Variants in NAALAD2 observed in about 807,000 individuals in gnomAD.
NAALAD2 encodes the protein N-acetylated-alpha-linked acidic dipeptidase 2.
A neutral mutation model predicts 95.6 loss-of-function variants in NAALAD2; 89 were observed. The observed-to-expected ratio is 0.93, with a 90% CI of 0.78 to 1.11. NAALAD2 has a LOEUF of 1.11. Among genes scored for constraint, NAALAD2 ranks in the 50% least tolerant of loss-of-function variants. The probability of loss-of-function intolerance (pLI) is 0.00; values close to 1 mark genes in which losing one functional copy is unlikely to be tolerated. For missense variants in NAALAD2, 894 were observed against 872.4 expected, an observed-to-expected ratio of 1.02 and a Z score of -0.31; for synonymous variants, 264 against 294.4, an observed-to-expected ratio of 0.90 and a Z score of 1.06.
At chr11:90,148,576 G>A (rs908498640) in intron 3 of NAALAD2, among the ~76,000 whole-genome samples, 4 of 152,116 alleles carry the variant, frequency 2.6e-5, no homozygotes, top group African/African-American at 7.2e-5. Flanking sequence ...AAGCATATTA[G>A]CTATTGGTAA....
intron 16 of NAALAD2, 152 bp downstream of exon 16, chr11:90,178,269 A>G (rs774678352): frequency 3.4e-5 from 28 of 832,254 alleles, no homozygotes; most frequent in Non-Finnish European, 4.6e-5. Flanking sequence ...ACAAACACCT[A>G]TTAAAGAATC....
chr11:90,132,457 G>A (rs546971324), upstream of NAALAD2, among the ~76,000 whole-genome samples: 14 of 152,286 alleles, frequency 9.2e-5, no homozygotes, highest in Admixed American at 2.0e-4. Flanking sequence ...TGAGGGCTAT[G>A]TAGTCAACAG....
At chr11:90,160,573 C>T (rs1301973689) in intron 8 of NAALAD2, among the ~76,000 whole-genome samples, 3 of 152,028 alleles carry the variant, frequency 2.0e-5, no homozygotes, top group African/African-American at 7.2e-5. Context: ...ATGTGTTTAT[C>T]TCTATCATTA....
At chr11:90,143,335 A>G (rs1006833426) in intron 2 of NAALAD2, among the ~76,000 whole-genome samples, 2 of 152,058 alleles carry the variant, frequency 1.3e-5, no homozygotes, top group African/African-American at 2.4e-5. Context: ...TTATTCTCCA[A>G]ACATATTTTT....
intron 11 of NAALAD2, among the ~76,000 whole-genome samples, chr11:90,164,548 C>T (rs533810611): frequency 6.6e-6 from 1 of 152,228 alleles, no homozygotes; most frequent in East Asian, 1.9e-4. Context: ...AATAAACACA[C>T]AATTTGTGAT....
intron 8 of NAALAD2, 35 bp from the exon 9 acceptor site, chr11:90,162,914 C>G: frequency 9.0e-7 from 1 of 1,117,250 alleles, no homozygotes. Flanking sequence ...ACATAATTTG[C>G]TGTACTAAGT....
chr11:90,186,969 C>G lies in NAALAD2; in HGVS notation c.2033+3961C>G, dbSNP rs201317589. ...ATCCAGAATCTACAATGAACTCAAACAAATTTACAAGAAAAAAACAACCCC... is the reference window on the plus strand; with the variant it reads ...ATCCAGAATCTACAATGAACTCAAAGAAATTTACAAGAAAAAAACAACCCC... On this transcript the variant is annotated intron_variant, in intron 18 of 18. Transcript: ENST00000534061. 4.9e-4 allele frequency among the ~76,000 whole-genome samples: 73 copies of G among 147,696 alleles called. No individual in the cohort carries two copies. The East Asian group carries it at 0.013, about 27-fold the overall frequency.
intron 18 of NAALAD2, among the ~76,000 whole-genome samples, chr11:90,190,868 T>C (rs1262196222): frequency 2.0e-5 from 3 of 152,202 alleles, no homozygotes; most frequent in Admixed American, 1.3e-4. Context: ...CTGTTGGACC[T>C]AATTCCTGAT....
chr11:90,169,962 G>T, intron 12 of NAALAD2, 107 bp from the exon 13 acceptor site: 1 of 755,172 alleles, frequency 1.3e-6, no homozygotes, highest in East Asian at 2.7e-5. Context: ...TCTTTGATTT[G>T]AAGATCATTA....
chr11:90,189,402 C>A (rs2135001983), intron 18 of NAALAD2, among the ~76,000 whole-genome samples: 1 of 152,288 alleles, frequency 6.6e-6, no homozygotes, highest in South Asian at 2.1e-4. Context: ...AATAAAGCTT[C>A]CTTTTTTGCA....
Position 90,178,110 on chromosome 11 carries a change from A to AT in NAALAD2, c.1852dup (p.Ser618PhefsTer3). The stretch of plus-strand genomic sequence containing the variant: ...ATCAACAATTGACAGACCATGGAGT[A>AT]TCATTTGGTAAGAAATAGTTGGGCA... On this transcript the variant is annotated frameshift_variant, in exon 16 of 19. Coordinates refer to ENST00000534061, the MANE Select transcript of NAALAD2 (RefSeq NM_005467.4). LOFTEE classifies it high-confidence loss of function. 6.2e-7 allele frequency: 1 copy of AT among 1,606,856 alleles called. No homozygotes were observed. Among genetic ancestry groups the AT allele is most frequent in the Non-Finnish European group, 8.5e-7 (1 of 1,177,612 alleles).
chr11:90,144,530 C>G (rs1951701558), intron 2 of NAALAD2, among the ~76,000 whole-genome samples: 1 of 151,860 alleles, frequency 6.6e-6, no homozygotes, highest in African/African-American at 2.4e-5. Flanking sequence ...CACCTGAGGT[C>G]AGGAATTCAA....
rs949722998 is a variant in NAALAD2, at chr11:90,188,491, T to G, written c.2034-3067T>G. Among the ~76,000 whole-genome samples, 9 of 152,250 alleles carry G rather than the reference T, an allele frequency of 5.9e-5. No individual in the cohort carries two copies. The East Asian group carries it at 1.7e-3, about 29-fold the overall frequency. On this transcript the variant is annotated intron_variant, in intron 18 of 18. Coordinates refer to ENST00000534061, the MANE Select transcript of NAALAD2 (RefSeq NM_005467.4). ...CCTCACAGTTCTAGGGGCTGGGAAG[T>G]ACAAGATCAGTGTCAACCAATTCAA...
chr11:90,143,704 C>T (rs79264350), intron 2 of NAALAD2, among the ~76,000 whole-genome samples: 20 of 152,266 alleles, frequency 1.3e-4, no homozygotes, highest in Non-Finnish European at 2.2e-4. Flanking sequence ...GAGCGAAGTA[C>T]ATACACTACA....
At chr11:90,173,712 T>G in intron 13 of NAALAD2, 112 bp from the exon 14 acceptor site, 1 of 655,046 alleles carries the variant, frequency 1.5e-6, no homozygotes, top group Non-Finnish European at 2.6e-6. Context: ...AATATATACA[T>G]GTACATATGT....
chr11:90,180,260 T>A (rs996295682), intron 16 of NAALAD2, among the ~76,000 whole-genome samples: 10 of 152,286 alleles, frequency 6.6e-5, no homozygotes, highest in African/African-American at 2.4e-4. Flanking sequence ...TTGACTTCTG[T>A]CCTGCATTTG....
intron 6 of NAALAD2, among the ~76,000 whole-genome samples, chr11:90,155,448 TATGTAATATGTA>T (rs1413933087): frequency 2.1e-4 from 23 of 110,738 alleles, no homozygotes; most frequent in African/African-American, 8.2e-4. Context: ...TAATATATAA[TATGTAATATGTA>T]ATATTACATA....
intron 2 of NAALAD2, among the ~76,000 whole-genome samples, chr11:90,139,987 C>T (rs145168422): frequency 1.5e-3 from 233 of 151,920 alleles, no homozygotes; most frequent in African/African-American, 5.2e-3. Flanking sequence ...TCATTAGTGG[C>T]ACTTTGTATG....
intron 2 of NAALAD2, among the ~76,000 whole-genome samples, chr11:90,145,039 A>C (rs575640415): frequency 6.6e-6 from 1 of 152,172 alleles, no homozygotes; most frequent in Non-Finnish European, 1.5e-5. Context: ...TCTCTTGATT[A>C]GTCCATAAGC....
Sources: gnomAD v4.1 joint callset for allele counts (sites outside exome capture counted in the v4.1 genomes callset) on GRCh38, gnomAD v4.1.1 for gene constraint, MANE v1.5 for transcripts, NCBI Gene and HGNC (gene_info 2026-07-23, HGNC 2026-07-21) for gene names.